The following RIMBP2 variants were observed in gnomAD, a reference collection of about 807,000 sequenced individuals.
RIMBP2 encodes RIMS binding protein 2, also known as RIMS-binding protein 2.
RIMBP2 carries 48 observed loss-of-function variants against 118.6 expected under a neutral mutation model. The ratio of observed to expected loss-of-function variants is 0.40; its 90% CI spans 0.32 to 0.51. The LOEUF is 0.51. Among genes scored for constraint, RIMBP2 ranks in the 20% least tolerant of loss-of-function variants. The pLI, the probability that RIMBP2 is intolerant of heterozygous loss-of-function variation, is 0.41. For synonymous variants in RIMBP2, 762 were observed against 742.9 expected, an observed-to-expected ratio of 1.03 and a Z score of -0.42; for missense variants, 1,551 against 1,768.3, an observed-to-expected ratio of 0.88 and a Z score of 2.20.
rs2065910186 is a variant in RIMBP2, at chr12:130,702,575, G to GGAA, written c.-352+13644_-352+13646dup. Among the ~76,000 whole-genome samples the GGAA allele has an allele frequency of 6.7e-5, 10 of 148,288 alleles. No individual in the cohort carries two copies. The South Asian group carries it at 2.2e-3, about 32-fold the overall frequency. Reference sequence around the variant, plus strand: ...AGGAAGGAAGGAAGGAAGGAAGGAAGGAAGGAAGGAAGAAGGGAGGGAGGA... The same window carrying GGAA: ...AGGAAGGAAGGAAGGAAGGAAGGAAGGAAGAAGGAAGGAAGAAGGGAGGGAGGA... On this transcript the variant is annotated intron_variant, in intron 1 of 22. Coordinates refer to ENST00000690449, the MANE Select transcript of RIMBP2 (RefSeq NM_001393629.1).
At chr12:130,479,054 C>G (rs1293074961) in intron 4 of RIMBP2, 38 bp from the exon 5 acceptor site, 1 of 1,561,164 alleles carries the variant, frequency 6.4e-7, no homozygotes. Flanking sequence ...AGCAGGGCAG[C>G]CTGTGCCCAT....
intron 1 of RIMBP2, among the ~76,000 whole-genome samples, chr12:130,640,220 C>T (rs573709087): frequency 2.0e-5 from 3 of 152,272 alleles, no homozygotes; most frequent in African/African-American, 4.8e-5. Flanking sequence ...GGACACTCCC[C>T]GGGGACAATG....
Position 130,438,359 on chromosome 12 carries a change from A to AAAAACC in RIMBP2, c.1656+5_1656+6insGGTTTT. On this transcript the variant is annotated splice_donor_region_variant and intron_variant, in intron 12 of 22. Coordinates refer to ENST00000690449, the MANE Select transcript of RIMBP2 (RefSeq NM_001393629.1). Reference sequence around the variant, plus strand: ...AACCCTCCCCACCCACCCAACGAAAACTCACCCTCTGCCCTTTGGCATACA... The same window carrying AAAAACC: ...AACCCTCCCCACCCACCCAACGAAAAAAAACCCTCACCCTCTGCCCTTTGGCATACA... 6.5e-7 allele frequency: 1 copy of AAAAACC among 1,540,804 alleles called. No individual in the cohort carries two copies.
chr12:130,645,989 C>T (rs528728422), intron 1 of RIMBP2, among the ~76,000 whole-genome samples: 1 of 152,064 alleles, frequency 6.6e-6, no homozygotes, highest in African/African-American at 2.4e-5. Flanking sequence ...ACCCAGGGAA[C>T]AACACTTTGC....
intron 6 of RIMBP2, among the ~76,000 whole-genome samples, chr12:130,459,660 G>A (rs540591017): frequency 6.6e-6 from 1 of 152,304 alleles, no homozygotes; most frequent in African/African-American, 2.4e-5. Flanking sequence ...CCTGCCAGCA[G>A]CCTGCAGGCT....
At chr12:130,584,410 C>T (rs1241163500) in intron 2 of RIMBP2, among the ~76,000 whole-genome samples, 1 of 148,976 alleles carries the variant, frequency 6.7e-6, no homozygotes, top group African/African-American at 2.5e-5. Flanking sequence ...GCCATCACCA[C>T]CATCACATCA....
rs2060995041 is a variant in RIMBP2, at chr12:130,617,165, C to T, written c.-217+11157G>A. On this transcript the variant is annotated intron_variant, in intron 2 of 22. Transcript: ENST00000690449. The surrounding 1 kb of genome is among the most constrained non-coding windows in gnomAD (Gnocchi z 4.6). ...CTCTTCTGTGTTTCATTGTCACCAA[C>T]GATCCCCCACCCCCGACCCCCGCCC... is the stretch of plus-strand genomic sequence containing the variant. 6.6e-6 allele frequency among the ~76,000 whole-genome samples: 1 copy of T among 152,136 alleles called. No homozygotes were observed. The highest frequency in any genetic ancestry group is 1.5e-5 in the Non-Finnish European group (1 of 68,018).
chr12:130,425,230 C>T (rs969156177), intron 15 of RIMBP2: 6 of 181,318 alleles, frequency 3.3e-5, no homozygotes, highest in Non-Finnish European at 5.7e-5. Context: ...GGGAGACTGC[C>T]CGGGGGCTAC....
intron 12 of RIMBP2, 30 bp downstream of exon 12, chr12:130,438,335 A>AGG: frequency 2.1e-5 from 18 of 864,962 alleles, no homozygotes; most frequent in African/African-American, 3.4e-5. Flanking sequence ...GGCCTAACAA[A>AGG]CCCTCCCCAC....
chr12:130,489,159 G>A (rs1171817022), intron 4 of RIMBP2, among the ~76,000 whole-genome samples: 4 of 152,208 alleles, frequency 2.6e-5, no homozygotes, highest in Non-Finnish European at 5.9e-5. Flanking sequence ...ATGTCTTCAA[G>A]TAACTTTTAC....
At chr12:130,563,825 A>G (rs1372612470) in intron 2 of RIMBP2, among the ~76,000 whole-genome samples, 2 of 152,214 alleles carry the variant, frequency 1.3e-5, no homozygotes, top group African/African-American at 4.8e-5. Context: ...TCCTTTTGAA[A>G]TGTAAGTCAG....
chr12:130,481,946 ACCACCCACCG>A (rs1476215879), intron 4 of RIMBP2, among the ~76,000 whole-genome samples: 8 of 114,842 alleles, frequency 7.0e-5, no homozygotes, highest in African/African-American at 2.5e-4. Flanking sequence ...CACCACCACC[ACCACCCACCG>A]CCCACCACCA....
intron 17 of RIMBP2, among the ~76,000 whole-genome samples, chr12:130,417,881 C>A (rs1416040884): frequency 6.6e-6 from 1 of 151,668 alleles, no homozygotes; most frequent in African/African-American, 2.4e-5. Context: ...GGAGAGGGAA[C>A]TGACAGATAA....
intron 1 of RIMBP2, among the ~76,000 whole-genome samples, chr12:130,702,148 T>A (rs2065884597): frequency 6.6e-6 from 1 of 152,038 alleles, no homozygotes; most frequent in Non-Finnish European, 1.5e-5. Flanking sequence ...AAATCTAAGC[T>A]TCTCTCTAGC....
chr12:130,671,561 C>T lies in RIMBP2; in HGVS notation c.-351-43105G>A, dbSNP rs147029273. On this transcript the variant is annotated intron_variant, in intron 1 of 22. Coordinates refer to ENST00000690449, the MANE Select transcript of RIMBP2 (RefSeq NM_001393629.1). ...TACCTATGAACACGAACCTCCCCAC[C>T]CCAAAGATTTGTTCAAGCCAGGGTT... Among the ~76,000 whole-genome samples, 28 of 152,288 alleles carry T rather than the reference C, an allele frequency of 1.8e-4. No individual in the cohort carries two copies. In the East Asian group the frequency reaches 5.0e-3, roughly 27 times the overall value.
At chr12:130,597,175 AT>A (rs762338385) in intron 2 of RIMBP2, among the ~76,000 whole-genome samples, 11 of 152,248 alleles carry the variant, frequency 7.2e-5, no homozygotes, top group Non-Finnish European at 1.3e-4. Context: ...AACAAAAAAA[AT>A]TATAAACACA....
chr12:130,591,019 A>G (rs1384729733), intron 2 of RIMBP2, among the ~76,000 whole-genome samples: 2 of 152,210 alleles, frequency 1.3e-5, no homozygotes, highest in East Asian at 3.8e-4. Context: ...ACTTCAAGAG[A>G]AGGATTAACA....
chr12:130,459,051 A>AAAAAAAT (rs1294179716), intron 6 of RIMBP2, among the ~76,000 whole-genome samples: 4 of 74,092 alleles, frequency 5.4e-5, no homozygotes, highest in Non-Finnish European at 1.1e-4. Context: ...TCTCAAAAAA[A>AAAAAAAT]AAAAAAAACA....
At chr12:130,711,950 A>G (rs1699118253) in intron 1 of RIMBP2, among the ~76,000 whole-genome samples, 1 of 152,256 alleles carries the variant, frequency 6.6e-6, no homozygotes, top group South Asian at 2.1e-4. Context: ...CCGTGACTGT[A>G]CTGAGTACTG....
Sources: allele counts gnomAD v4.1 joint callset (sites outside exome capture counted in the v4.1 genomes callset), GRCh38; gene constraint gnomAD v4.1.1; non-coding constraint Gnocchi (gnomAD v3.1); transcripts MANE v1.5; gene names NCBI Gene and HGNC (gene_info 2026-07-23, HGNC 2026-07-21).